SZT2: variants seen among roughly 807,000 people sequenced by gnomAD.
The protein encoded by SZT2 is KICSTOR complex protein SZT2.
Under a neutral mutation model 404.2 loss-of-function variants are expected in SZT2, and 216 were observed. The ratio of observed to expected loss-of-function variants is 0.53; its 90% CI spans 0.48 to 0.60. SZT2 has a LOEUF of 0.60. Among genes scored for constraint, SZT2 ranks in the 20% least tolerant of loss-of-function variants. The pLI, the probability that SZT2 is intolerant of heterozygous loss-of-function variation, is 0.00. For synonymous variants in SZT2, 1,693 were observed against 1,749.9 expected (o/e 0.97, Z 0.81); for missense variants, 3,857 against 4,459.2 (o/e 0.86, Z 3.85).
intron 62 of SZT2, chr1:43,445,626 A>G (rs1655573152): frequency 1.1e-5 from 6 of 543,124 alleles, no homozygotes; most frequent in Non-Finnish European, 2.0e-5. Flanking sequence ...TGCCCAGCAC[A>G]CACCCTCTCA....
At chr1:43,400,131 G>A (rs1254281422) in intron 1 of SZT2, among the ~76,000 whole-genome samples, 1 of 151,462 alleles carries the variant, frequency 6.6e-6, no homozygotes, top group Non-Finnish European at 1.5e-5. Context: ...TTTAGAGATG[G>A]ACTTTCACCG....
rs552487318 is a variant in SZT2, at chr1:43,414,981, A to G, written c.499-101A>G. 3.1e-5 allele frequency: 45 copies of G among 1,441,618 alleles called. 1 individual carries two copies. The South Asian group carries it at 5.9e-4, about 19-fold the overall frequency. The allele number at this position is 1,441,618 out of a possible 1,614,324, so 89.3% of individuals were successfully genotyped here. ...TTAGACCCTGGTTGGGTAGGAAGTC[A>G]GGATCGCCTAGATGGAGCTATGGAG... On this transcript the variant is annotated intron_variant, in intron 4 of 71. Coordinates refer to ENST00000634258, the MANE Select transcript of SZT2 (RefSeq NM_001365999.1).
chr1:43,447,608 A>G lies in SZT2; in HGVS notation c.9350A>G (p.His3117Arg). ...AHQLYNYVAD[H>R]ASSYHMKPLR... ...CAGCTATACAACTACGTGGCTGATC[A>G]CGCCAGCTCTTACCACATGAAGCCA... is the stretch of plus-strand genomic sequence containing the variant. The change falls in exon 67 of 72, where the codon CAC (histidine) becomes CGC (arginine). Residue 3117 changes from histidine to arginine, a missense_variant. By Grantham distance (29) the His-to-Arg change is conservative. Transcript: ENST00000634258. 1 of 1,614,148 alleles carries G rather than the reference A, an allele frequency of 6.2e-7. No homozygotes were observed. The highest frequency in any genetic ancestry group is 1.1e-5 in the South Asian group (1 of 91,076).
intron 4 of SZT2, chr1:43,405,814 A>C (rs1650237783): frequency 6.6e-6 from 1 of 152,218 alleles, no homozygotes; most frequent in Non-Finnish European, 1.5e-5. Flanking sequence ...TTAGGTAATC[A>C]CTCAAAACTT....
chr1:43,406,253 A>G, intron 4 of SZT2: 1 of 333,324 alleles, frequency 3.0e-6, no homozygotes, highest in Non-Finnish European at 5.8e-6. Flanking sequence ...ACACCCGGCT[A>G]ATTTTTGTTT....
At chr1:43,415,339 G>T in intron 5 of SZT2, 126 bp downstream of exon 5, 1 of 1,175,458 alleles carries the variant, frequency 8.5e-7, no homozygotes, top group Non-Finnish European at 1.2e-6. Flanking sequence ...ATGAGACAAG[G>T]ATAGGCATGC....
rs1289159640 is a variant in SZT2, at chr1:43,453,483, CCTTCT to C, written c.*3007_*3011del. ...GGGACGGCCCCCAGCCCCATTTCCCCCTTCTCTTGGTCTCCTGCAGAGAGAACGGG... is the reference window on the plus strand; with the variant it reads ...GGGACGGCCCCCAGCCCCATTTCCCCCTTGGTCTCCTGCAGAGAGAACGGG... On this transcript the variant is annotated 3_prime_UTR_variant, in exon 72 of 72. Coordinates refer to ENST00000634258, the MANE Select transcript of SZT2 (RefSeq NM_001365999.1). 2 of 1,558,388 alleles carry C rather than the reference CCTTCT, an allele frequency of 1.3e-6. No individual in the cohort carries two copies. Among genetic ancestry groups the C allele is most frequent in the African/African-American group, 1.4e-5 (1 of 73,328 alleles).
Position 43,432,613 on chromosome 1 carries a change from G to C in SZT2, c.5530+9G>C. 6.2e-7 allele frequency: 1 copy of C among 1,613,888 alleles called. No homozygotes were observed. ...CCGCGTGCCACAGGGAGGTAAGAGA[G>C]GACTTGGGCAGCAGTCTGGAGGCCA... is the stretch of plus-strand genomic sequence containing the variant. On this transcript the variant is annotated intron_variant, in intron 38 of 71. Transcript: ENST00000634258.
Position 43,447,026 on chromosome 1 carries a change from C to T in SZT2, c.9144C>T (p.Asp3048=), listed in dbSNP as rs772593159. ...TGCACGTGCACTCGTTCAGCTATGA[C>T]TTCCATCTGCGCCTCGTGCATCAGC... ...DLMHVHSFSY[D]FHLRLVHQHV... The change falls in exon 66 of 72, where the codon GAC becomes GAT. Residue 3048 remains aspartate (D), a synonymous_variant. Coordinates refer to ENST00000634258, the MANE Select transcript of SZT2 (RefSeq NM_001365999.1). The T allele has an allele frequency of 3.1e-6, 5 of 1,614,030 alleles. 1 individual carries two copies. In the South Asian group the frequency reaches 5.5e-5, roughly 18 times the overall value.
rs1655573680 is a variant in SZT2, at chr1:43,445,629, C to T, written c.8826-265C>T. 4.4e-5 allele frequency: 24 copies of T among 548,304 alleles called. 1 individual carries two copies. In the South Asian group the frequency reaches 4.6e-4, roughly 10 times the overall value. 34.0% of individuals were successfully genotyped at this position (548,304 alleles called of 1,614,324 possible). ...CCTTCTCTTTCCTGCCCAGCACACA[C>T]CCTCTCAGTAGCAGAGGCTTAGTCT... On this transcript the variant is annotated intron_variant, in intron 62 of 71. Coordinates refer to ENST00000634258, the MANE Select transcript of SZT2 (RefSeq NM_001365999.1).
chr1:43,426,912 C>T lies in SZT2; in HGVS notation c.3309+103C>T. The T allele has an allele frequency of 6.5e-7, 1 of 1,541,422 alleles. No homozygotes were observed. Among genetic ancestry groups the T allele is most frequent in the South Asian group, 1.2e-5 (1 of 84,876 alleles). ...TACCGCCCTTGAGACTAAATGGCAT[C>T]TGCCAATGACACAATGCCGTCATTT... On this transcript the variant is annotated intron_variant, in intron 23 of 71. Transcript: ENST00000634258. This position sits in a 1 kb window ranked among gnomAD's most constrained non-coding sequence, Gnocchi z 4.9.
In SZT2 at chr1:43,424,766, G is replaced by A. The variant is rs1652940621; in HGVS notation, c.2472-18G>A. The A allele has an allele frequency of 6.2e-7, 1 of 1,611,446 alleles. No individual in the cohort carries two copies. The highest frequency in any genetic ancestry group is 1.7e-5 in the Admixed American group (1 of 59,978). On this transcript the variant is annotated intron_variant, in intron 16 of 71. Transcript: ENST00000634258. This position sits in a 1 kb window ranked among gnomAD's most constrained non-coding sequence, Gnocchi z 4.1. ...CTTCCCTTATCCTGGCCTTGCCCCG[G>A]CCTTTATGGGGCTTCAGAGTCCGAC...
intron 27 of SZT2, 55 bp from the exon 28 acceptor site, chr1:43,428,185 G>T (rs1653414657): frequency 6.2e-7 from 1 of 1,612,780 alleles, no homozygotes; most frequent in Admixed American, 1.7e-5. Context: ...ACAGGGTGGG[G>T]ACTGGAGAGG....
At position 43,430,551 on chromosome 1, in the gene SZT2, A is replaced by G; in HGVS notation, c.4536A>G (p.Glu1512=). The G allele has an allele frequency of 6.2e-7, 1 of 1,614,208 alleles. No homozygotes were observed. The highest frequency in any genetic ancestry group is 8.5e-7 in the Non-Finnish European group (1 of 1,180,034). The change falls in exon 32 of 72, where the codon GAA becomes GAG. Residue 1512 remains glutamate, a synonymous_variant. Transcript: ENST00000634258. ...AGAGTGACCCAGAGCTAGAGGTAGAATACCGGGAGAGCCGTGAATCAGACC... is the reference window on the plus strand; with the variant it reads ...AGAGTGACCCAGAGCTAGAGGTAGAGTACCGGGAGAGCCGTGAATCAGACC... ...VTESDPELEV[E]YRESRESDLG...
At position 43,424,111 on chromosome 1, in the gene SZT2, G is replaced by A. The variant is rs1489014974; in HGVS notation, c.2256-106G>A. 12 of 911,558 alleles carry A rather than the reference G, an allele frequency of 1.3e-5. No individual in the cohort carries two copies. The African/African-American group carries it at 1.5e-4, about 11-fold the overall frequency. 56.5% of individuals were successfully genotyped at this position (911,558 alleles called of 1,614,324 possible). On this transcript the variant is annotated intron_variant, in intron 15 of 71. Transcript: ENST00000634258. This position sits in a 1 kb window ranked among gnomAD's most constrained non-coding sequence, Gnocchi z 4.1. ...TTAGCCGGGTATCAGTGGTACAGAG[G>A]TGTGGAAGGGCGTGGCTTAGCCAGC...
At chr1:43,396,741 TA>T (rs1338381223) in intron 1 of SZT2, among the ~76,000 whole-genome samples, 6 of 152,194 alleles carry the variant, frequency 3.9e-5, no homozygotes, top group Non-Finnish European at 5.9e-5. Context: ...CTGTTCTTTC[TA>T]AAACAAAGCT....
In SZT2 at chr1:43,452,143, C is replaced by T; in HGVS notation, c.*1663C>T. On this transcript the variant is annotated 3_prime_UTR_variant, in exon 72 of 72. Coordinates refer to ENST00000634258, the MANE Select transcript of SZT2 (RefSeq NM_001365999.1). ...AGCCTCACGTGCTGTCCCCACTGTGCACCCCCTTCTCCGCACACCCACAGA... is the reference window on the plus strand; with the variant it reads ...AGCCTCACGTGCTGTCCCCACTGTGTACCCCCTTCTCCGCACACCCACAGA... The T allele has an allele frequency of 3.3e-6, 5 of 1,511,668 alleles. No individual in the cohort carries two copies. In the South Asian group the frequency reaches 5.8e-5, roughly 17 times the overall value. The allele number at this position is 1,511,668 out of a possible 1,614,324, so 93.6% of individuals were successfully genotyped here.
rs1317527832 is a variant in SZT2, at chr1:43,428,067, G to A, written c.3868G>A (p.Ala1290Thr). The A allele has an allele frequency of 1.2e-6, 2 of 1,614,090 alleles. No homozygotes were observed. Among genetic ancestry groups the A allele is most frequent in the South Asian group, 1.1e-5 (1 of 91,096 alleles). ...AWMEPRYKEA[A>T]NHCALLQEHA... The stretch of plus-strand genomic sequence containing the variant: ...GATGGAACCCCGGTACAAGGAGGCA[G>A]CTAACCACTGTGCCCTGCTGCAGGA... The change falls in exon 27 of 72, where the codon GCT becomes ACT. Residue 1290 changes from alanine to threonine, a missense_variant. Transcript: ENST00000634258.
chr1:43,446,289 G>A (rs747375211), intron 64 of SZT2, 30 bp downstream of exon 64: 1 of 1,614,248 alleles, frequency 6.2e-7, no homozygotes, highest in Non-Finnish European at 8.5e-7. Flanking sequence ...AGTGGAGACA[G>A]CCAGACCCAC....
Sources: gnomAD v4.1 joint callset for allele counts (sites outside exome capture counted in the v4.1 genomes callset) on GRCh38, gnomAD v4.1.1 for gene constraint, Gnocchi (gnomAD v3.1) non-coding constraint, MANE v1.5 for transcripts, NCBI Gene and HGNC (gene_info 2026-07-23, HGNC 2026-07-21) for gene names.